Variants in INSL6 observed in about 807,000 individuals in gnomAD.
INSL6 encodes the protein insulin like 6.
A neutral mutation model predicts 9.4 loss-of-function variants in INSL6; 16 were observed. That is an observed-to-expected ratio of 1.70 (90% CI 1.15 to 2.59). The LOEUF is 2.59. INSL6 is among the 30% of genes most tolerant of loss of function. The pLI, the probability that INSL6 is intolerant of heterozygous loss-of-function variation, is 0.00. For synonymous variants in INSL6, 154 were observed against 96.9 expected (o/e 1.59, Z -3.46); for missense variants, 391 against 257.3 (o/e 1.52, Z -3.56).
chr9:5,041,283 A>T, the INSL6 span: 1 of 1,058,400 alleles, frequency 9.4e-7, no homozygotes, highest in South Asian at 1.4e-5. Context: ...GCCAAGGGGT[A>T]CACTGGTCTC....
At chr9:5,023,776 G>C in the INSL6 span, among the ~76,000 whole-genome samples, 1 of 152,120 alleles carries the variant, frequency 6.6e-6, no homozygotes, top group South Asian at 2.1e-4. Flanking sequence ...GTGGGGAAGT[G>C]GATATGAGAG....
the INSL6 span, chr9:5,111,709 C>A: frequency 2.8e-5 from 12 of 432,182 alleles, no homozygotes; most frequent in Non-Finnish European, 5.1e-5. Flanking sequence ...CGTTTGGCGG[C>A]CTGCACCAGC....
chr9:5,107,604 A>G, the INSL6 span, among the ~76,000 whole-genome samples: 2 of 152,178 alleles, frequency 1.3e-5, no homozygotes, highest in Non-Finnish European at 2.9e-5. Flanking sequence ...AATGATTTCG[A>G]TTCATTAGAT....
At chr9:5,143,802 G>T (rs1316070224) in intron 2 of INSL6, among the ~76,000 whole-genome samples, 1 of 151,836 alleles carries the variant, frequency 6.6e-6, no homozygotes, top group African/African-American at 2.4e-5. Flanking sequence ...TGGGATTACA[G>T]GCACCCACCC....
At chr9:5,078,335 A>G in the INSL6 span, 3 of 1,612,450 alleles carry the variant, frequency 1.9e-6, no homozygotes, top group Non-Finnish European at 2.5e-6. Context: ...ATGGGAATGT[A>G]TGTGCCAAAA....
At chr9:5,026,728 C>T in the INSL6 span, among the ~76,000 whole-genome samples, 4 of 151,998 alleles carry the variant, frequency 2.6e-5, no homozygotes, top group East Asian at 1.9e-4. Flanking sequence ...TACGTGTATG[C>T]GTATGTGTGA....
chr9:5,110,959 C>A, the INSL6 span: 9 of 598,788 alleles, frequency 1.5e-5, no homozygotes, highest in African/African-American at 1.7e-4. Flanking sequence ...GGACAAGGAG[C>A]TCAGTAACCT....
the INSL6 span, among the ~76,000 whole-genome samples, chr9:5,069,751 A>C: frequency 9.9e-5 from 15 of 152,170 alleles, no homozygotes; most frequent in African/African-American, 3.4e-4. Flanking sequence ...ACTAAGAAGA[A>C]ATATCAAAGT....
chr9:5,061,234 G>T, the INSL6 span, among the ~76,000 whole-genome samples: 13 of 152,210 alleles, frequency 8.5e-5, no homozygotes, highest in African/African-American at 2.9e-4. Context: ...GTCACCAATG[G>T]CATAGGCCCT....
the INSL6 span, among the ~76,000 whole-genome samples, chr9:5,103,220 G>GC: frequency 1.2e-3 from 8 of 6,906 alleles, no homozygotes; most frequent in African/African-American, 5.6e-3. Flanking sequence ...CAAAGGGAAA[G>GC]CAAAAAAAAA....
chr9:5,038,698 T>G, the INSL6 span, among the ~76,000 whole-genome samples: 4 of 152,064 alleles, frequency 2.6e-5, no homozygotes, highest in African/African-American at 9.7e-5. Context: ...GATGAATATT[T>G]CTTTTGCACA....
At chr9:5,175,714 G>A (rs1184165915) in intron 1 of INSL6, among the ~76,000 whole-genome samples, 2 of 152,072 alleles carry the variant, frequency 1.3e-5, no homozygotes, top group African/African-American at 4.8e-5. Context: ...ATAGGAGTGT[G>A]AACCCTATTG....
At chr9:5,082,550 C>T in the INSL6 span, among the ~76,000 whole-genome samples, 3 of 152,240 alleles carry the variant, frequency 2.0e-5, no homozygotes, top group Non-Finnish European at 4.4e-5. Context: ...CAGTGGCCTT[C>T]CTCTTTTACT....
chr9:5,154,309 T>A (rs1824773451), intron 2 of INSL6, among the ~76,000 whole-genome samples: 1 of 152,172 alleles, frequency 6.6e-6, no homozygotes, highest in Non-Finnish European at 1.5e-5. Context: ...TTACACCTTA[T>A]ACAAAAATTA....
At chr9:5,176,811 G>C (rs1825319698) in intron 1 of INSL6, among the ~76,000 whole-genome samples, 1 of 151,344 alleles carries the variant, frequency 6.6e-6, no homozygotes, top group Non-Finnish European at 1.5e-5. Context: ...CAAACTATTA[G>C]AACTATGAAG....
At chr9:5,027,070 T>C in the INSL6 span, among the ~76,000 whole-genome samples, 1 of 152,226 alleles carries the variant, frequency 6.6e-6, no homozygotes. Flanking sequence ...GCATGGATTT[T>C]TATTATACCT....
At chr9:5,044,350 C>A in the INSL6 span, 3 of 1,084,402 alleles carry the variant, frequency 2.8e-6, no homozygotes, top group Non-Finnish European at 4.3e-6. Context: ...ATAGATAGTA[C>A]GTTTGTATTT....
At chr9:5,112,965 C>T in the INSL6 span, 1 of 202,354 alleles carries the variant, frequency 4.9e-6, no homozygotes, top group Non-Finnish European at 1.0e-5. Context: ...CTGTTGTCAG[C>T]ATTGAGCCAA....
the INSL6 span, among the ~76,000 whole-genome samples, chr9:4,998,683 A>G: frequency 6.6e-6 from 1 of 151,972 alleles, no homozygotes. Flanking sequence ...TGTAGTCATC[A>G]TTAAGCATGA....
Sources: allele counts gnomAD v4.1 joint callset (sites outside exome capture counted in the v4.1 genomes callset), GRCh38; gene constraint gnomAD v4.1.1; transcripts MANE v1.5; gene names NCBI Gene and HGNC (gene_info 2026-07-23, HGNC 2026-07-21).